CFAP298: variants seen among roughly 807,000 people sequenced by gnomAD.
CFAP298 encodes cilia and flagella associated protein 298, also known as cilia- and flagella-associated protein 298.
Under a neutral mutation model 41.0 loss-of-function variants are expected in CFAP298, and 38 were observed. That is an observed-to-expected ratio of 0.93 (90% CI 0.72 to 1.22). The LOEUF is 1.22. CFAP298 is among the 50% of genes most tolerant of loss of function. The pLI, the probability that CFAP298 is intolerant of heterozygous loss-of-function variation, is 0.00. For missense variants in CFAP298, 348 were observed against 360.3 expected (o/e 0.97, Z 0.28); for synonymous variants, 137 against 135.3 (o/e 1.01, Z -0.09).
chr21:32,602,040 A>G, intron 6 of CFAP298, 67 bp from the exon 7 acceptor site: 1 of 1,067,940 alleles, frequency 9.4e-7, no homozygotes, highest in African/African-American at 1.5e-5. Context: ...AAGAGACTGA[A>G]GAAAGAGTCC....
intron 2 of CFAP298, among the ~76,000 whole-genome samples, chr21:32,608,056 A>G (rs2038906198): frequency 6.6e-6 from 1 of 152,184 alleles, no homozygotes; most frequent in Non-Finnish European, 1.5e-5. Context: ...TGGGTGGGAT[A>G]ACTCAGCTCT....
At chr21:32,607,461 T>C (rs1185388248) in intron 3 of CFAP298, among the ~76,000 whole-genome samples, 188 bp downstream of exon 3, 4 of 151,658 alleles carry the variant, frequency 2.6e-5, no homozygotes, top group Non-Finnish European at 5.9e-5. Flanking sequence ...GGCATGGTGG[T>C]GCATGCCTGT....
chr21:32,604,160 C>G lies in CFAP298; in HGVS notation c.499G>C (p.Glu167Gln), dbSNP rs767141452. The change falls in exon 4 of 7, where the codon GAG becomes CAG. Residue 167 changes from glutamate to glutamine, a missense_variant. Coordinates refer to ENST00000290155, the MANE Select transcript of CFAP298 (RefSeq NM_021254.4). ...GACAAGTCTTCCTTATTTTCAAACT[C>G]CATGCGGATGGGATCATACGGTGGC... ...GLPPYDPIRM[E>Q]FENKEDLSGT... 6.2e-7 allele frequency: 1 copy of G among 1,614,132 alleles called. No individual in the cohort carries two copies. The highest frequency in any genetic ancestry group is 1.1e-5 in the South Asian group (1 of 91,074).
chr21:32,605,960 G>C (rs1186770343), intron 3 of CFAP298, among the ~76,000 whole-genome samples: 1 of 152,218 alleles, frequency 6.6e-6, no homozygotes, highest in Non-Finnish European at 1.5e-5. Flanking sequence ...AGCTGTGGAA[G>C]TGAAAGGAAG....
intron 2 of CFAP298, among the ~76,000 whole-genome samples, chr21:32,608,366 A>G (rs60190429): frequency 0.13 from 19,914 of 152,096 alleles, 2,015 homozygotes; most frequent in African/African-American, 0.28. Context: ...ATTATAATAG[A>G]AGTGGTTAGG....
chr21:32,606,057 T>C (rs1396744921), intron 3 of CFAP298, among the ~76,000 whole-genome samples: 1 of 152,168 alleles, frequency 6.6e-6, no homozygotes, highest in Non-Finnish European at 1.5e-5. Flanking sequence ...GTGTTGAAGA[T>C]GACACTGAGG....
At chr21:32,609,226 G>A (rs1047024235) in intron 2 of CFAP298, among the ~76,000 whole-genome samples, 11 of 152,190 alleles carry the variant, frequency 7.2e-5, no homozygotes, top group Non-Finnish European at 1.3e-4. Flanking sequence ...AATACATTGC[G>A]GTGAGGACCT....
chr21:32,604,505 A>G, intron 3 of CFAP298: 1 of 540,130 alleles, frequency 1.9e-6, no homozygotes, highest in Non-Finnish European at 3.3e-6. Flanking sequence ...ATGGAGTACA[A>G]TGAAGTGCAA....
chr21:32,612,218 C>T lies in CFAP298; in HGVS notation c.26G>A (p.Gly9Asp). The T allele has an allele frequency of 6.2e-7, 1 of 1,610,224 alleles. No individual in the cohort carries two copies. MVLLHVKR[G>D]DESQFLLQAP... ...CTGCAGCAGGAACTGGCTCTCGTCG[C>T]CCCGCTTCACGTGCAGCAGAACCAT... The change falls in exon 1 of 7, where the codon GGC becomes GAC. Residue 9 changes from glycine to aspartate, a missense_variant. Transcript: ENST00000290155.
chr21:32,606,922 A>G (rs2038878024), intron 3 of CFAP298, among the ~76,000 whole-genome samples: 1 of 151,922 alleles, frequency 6.6e-6, no homozygotes, highest in East Asian at 1.9e-4. Flanking sequence ...CTTTGTATAA[A>G]ATGCTGAAGA....
At chr21:32,605,736 A>G (rs763476212) in intron 3 of CFAP298, among the ~76,000 whole-genome samples, 2 of 152,198 alleles carry the variant, frequency 1.3e-5, no homozygotes, top group Non-Finnish European at 2.9e-5. Flanking sequence ...GGTGTCTGAA[A>G]TAAGAGGAGT....
intron 3 of CFAP298, among the ~76,000 whole-genome samples, chr21:32,604,842 A>G (rs1321660668): frequency 2.0e-5 from 3 of 152,178 alleles, no homozygotes; most frequent in Non-Finnish European, 2.9e-5. Context: ...TCTGGGAAGG[A>G]GTGGTAATGT....
intron 5 of CFAP298, chr21:32,602,588 A>C: frequency 7.3e-7 from 1 of 1,367,138 alleles, no homozygotes; most frequent in Non-Finnish European, 9.4e-7. Flanking sequence ...GCACGATACC[A>C]TCTCTGTCTT....
chr21:32,608,655 T>TC (rs1253139552), intron 2 of CFAP298, among the ~76,000 whole-genome samples: 2 of 59,574 alleles, frequency 3.4e-5, no homozygotes, highest in African/African-American at 1.7e-4. Context: ...AGACTCTGTC[T>TC]CAAAAAAAAA....
At position 32,602,524 on chromosome 21, in the gene CFAP298, T is replaced by G. The variant is rs1395423550; in HGVS notation, c.667-157A>C. On this transcript the variant is annotated intron_variant, in intron 5 of 6. Transcript: ENST00000290155. ...CCGAAGTGAAGCATCAAGGGAAGCCTTGGTCTTGAGCAGCCCTGAGCCCTG... is the reference window on the plus strand; with the variant it reads ...CCGAAGTGAAGCATCAAGGGAAGCCGTGGTCTTGAGCAGCCCTGAGCCCTG... 14 of 1,438,206 alleles carry G rather than the reference T, an allele frequency of 9.7e-6. No individual in the cohort carries two copies. The East Asian group carries it at 2.3e-4, about 23-fold the overall frequency. The allele number at this position is 1,438,206 out of a possible 1,614,324, so 89.1% of individuals were successfully genotyped here. A position where few individuals can be genotyped will look rare whatever the true frequency, so the allele number is the denominator to read the frequency against.
In CFAP298 at chr21:32,609,667, A is replaced by C. The variant is rs185007319; in HGVS notation, c.307+171T>G. ...GTAGTCCCAGCTACTCAAGAGGCGG[A>C]GGCAGGAGAATCGCTTGAACCTGGA... On this transcript the variant is annotated intron_variant, in intron 2 of 6. Coordinates refer to ENST00000290155, the MANE Select transcript of CFAP298 (RefSeq NM_021254.4). 6.6e-5 allele frequency among the ~76,000 whole-genome samples: 10 copies of C among 152,236 alleles called. No homozygotes were observed. In the East Asian group the frequency reaches 1.9e-3, roughly 29 times the overall value.
chr21:32,603,393 C>T (rs186288494), intron 4 of CFAP298, 101 bp from the exon 5 acceptor site: 61 of 1,315,600 alleles, frequency 4.6e-5, no homozygotes, highest in Admixed American at 3.5e-4. Flanking sequence ...GATTTCTCCC[C>T]GTGCTCACCA....
intron 3 of CFAP298, 38 bp downstream of exon 3, chr21:32,607,611 A>C (rs1276543477): frequency 1.0e-5 from 13 of 1,285,340 alleles, no homozygotes; most frequent in East Asian, 7.1e-5. Flanking sequence ...AAAAAAAAAA[A>C]CCCAACAAGT....
rs759139045 is a variant in CFAP298, at chr21:32,602,263, C to A, written c.762+9G>T. 1 of 1,613,494 alleles carries A rather than the reference C, an allele frequency of 6.2e-7. No individual in the cohort carries two copies. Among genetic ancestry groups the A allele is most frequent in the Non-Finnish European group, 8.5e-7 (1 of 1,179,684 alleles). ...CAGCACTGCAGAAAGCCCATCTGTCCCCTGCTACCTTGAGCTCCTCTTGTC... is the reference window on the plus strand; with the variant it reads ...CAGCACTGCAGAAAGCCCATCTGTCACCTGCTACCTTGAGCTCCTCTTGTC... On this transcript the variant is annotated intron_variant, in intron 6 of 6. Coordinates refer to ENST00000290155, the MANE Select transcript of CFAP298 (RefSeq NM_021254.4).
Sources: gnomAD v4.1 joint callset for allele counts (sites outside exome capture counted in the v4.1 genomes callset) on GRCh38, gnomAD v4.1.1 for gene constraint, MANE v1.5 for transcripts, NCBI Gene and HGNC (gene_info 2026-07-23, HGNC 2026-07-21) for gene names.